The following SAMSN1 variants were observed in gnomAD, a reference collection of about 807,000 sequenced individuals.
The protein encoded by SAMSN1 is SAM domain-containing protein SAMSN-1.
Under a neutral mutation model 42.0 loss-of-function variants are expected in SAMSN1, and 31 were observed. The ratio of observed to expected loss-of-function variants is 0.74; its 90% CI spans 0.55 to 1.00. The LOEUF (loss-of-function observed/expected upper bound fraction) is 1.00, where lower values mean the gene tolerates loss of function less well. Among genes scored for constraint, SAMSN1 ranks in the 50% least tolerant of loss-of-function variants. The pLI, the probability that SAMSN1 is intolerant of heterozygous loss-of-function variation, is 0.00. For synonymous variants in SAMSN1, 178 were observed against 151.9 expected, an observed-to-expected ratio of 1.17 and a Z score of -1.26; for missense variants, 464 against 439.4, an observed-to-expected ratio of 1.06 and a Z score of -0.50.
intron 2 of SAMSN1, among the ~76,000 whole-genome samples, chr21:14,620,276 T>C (rs1982967248): frequency 6.6e-6 from 1 of 152,158 alleles, no homozygotes; most frequent in African/African-American, 2.4e-5. Flanking sequence ...TGGAGGGAAT[T>C]GGGTCATGGG....
intron 1 of SAMSN1, among the ~76,000 whole-genome samples, chr21:14,643,400 A>T (rs1168929151): frequency 6.6e-6 from 1 of 152,208 alleles, no homozygotes; most frequent in African/African-American, 2.4e-5. Flanking sequence ...CAGGCACACA[A>T]TGAGGGAATT....
intron 2 of SAMSN1, among the ~76,000 whole-genome samples, chr21:14,564,739 T>TG (rs1341549999): frequency 2.0e-5 from 3 of 152,204 alleles, no homozygotes; most frequent in African/African-American, 7.2e-5. Context: ...TTCAATTCAT[T>TG]TTCCACTTTG....
At chr21:14,514,903 G>A (rs1196436508) in intron 3 of SAMSN1, among the ~76,000 whole-genome samples, 2 of 152,096 alleles carry the variant, frequency 1.3e-5, no homozygotes, top group African/African-American at 4.8e-5. Flanking sequence ...ATATAGTTGT[G>A]AAAAACAAAA....
chr21:14,633,686 G>A (rs145469405), intron 2 of SAMSN1, among the ~76,000 whole-genome samples: 29 of 152,282 alleles, frequency 1.9e-4, no homozygotes, highest in Admixed American at 3.3e-4. Context: ...CCCATAATGG[G>A]CAATGGTTTT....
chr21:14,621,422 T>G (rs1046695788), intron 2 of SAMSN1, among the ~76,000 whole-genome samples: 3 of 152,184 alleles, frequency 2.0e-5, no homozygotes, highest in Non-Finnish European at 4.4e-5. Flanking sequence ...AGATGGCACC[T>G]GGAAAATCGG....
At chr21:14,550,682 C>G (rs1980565532), upstream of SAMSN1, among the ~76,000 whole-genome samples, 1 of 152,072 alleles carries the variant, frequency 6.6e-6, no homozygotes, top group South Asian at 2.1e-4. Flanking sequence ...GATGCCCAAA[C>G]AACTTCTAAA....
intron 2 of SAMSN1, chr21:14,619,764 C>G (rs80120402): frequency 0.014 from 2,599 of 185,688 alleles, 76 homozygotes; most frequent in African/African-American, 0.06. Flanking sequence ...AATGAAGTCC[C>G]TAAAACTCAG....
chr21:14,610,989 G>C (rs1430043935), intron 4 of SAMSN1, among the ~76,000 whole-genome samples: 1 of 152,120 alleles, frequency 6.6e-6, no homozygotes, highest in Non-Finnish European at 1.5e-5. Context: ...ACAGTGGTGT[G>C]ATCATAGCTC....
intron 2 of SAMSN1, among the ~76,000 whole-genome samples, chr21:14,574,911 T>C (rs1340700210): frequency 6.6e-6 from 1 of 152,172 alleles, no homozygotes; most frequent in African/African-American, 2.4e-5. Context: ...TTTGCATGTC[T>C]GGCGAGACCT....
At chr21:14,525,022 A>G (rs913649844) in intron 1 of SAMSN1, among the ~76,000 whole-genome samples, 1 of 152,040 alleles carries the variant, frequency 6.6e-6, no homozygotes, top group African/African-American at 2.4e-5. Flanking sequence ...AACCTATTTC[A>G]TCAACTAAAT....
At chr21:14,511,229 T>C (rs1987675598) in intron 4 of SAMSN1, among the ~76,000 whole-genome samples, 1 of 152,226 alleles carries the variant, frequency 6.6e-6, no homozygotes, top group Admixed American at 6.5e-5. Context: ...TGCTCCACAT[T>C]GTATGTGAAC....
At chr21:14,613,514 A>G (rs1371590184) in intron 3 of SAMSN1, among the ~76,000 whole-genome samples, 1 of 152,146 alleles carries the variant, frequency 6.6e-6, no homozygotes, top group Non-Finnish European at 1.5e-5. Context: ...TCTACTATTG[A>G]TATTCTTTAT....
chr21:14,599,347 G>T (rs554151331), intron 6 of SAMSN1, among the ~76,000 whole-genome samples: 1 of 152,262 alleles, frequency 6.6e-6, no homozygotes, highest in East Asian at 1.9e-4. Context: ...ATCTGGCATT[G>T]CCCTTGCTTG....
At chr21:14,643,107 C>T in exon 2 of SAMSN1, 1 of 717,276 alleles carries the variant, frequency 1.4e-6, no homozygotes, top group Non-Finnish European at 2.6e-6. Context: ...CTGGGATTGG[C>T]TCATATAAGC....
At chr21:14,645,981 A>G (rs1317574623) in intron 1 of SAMSN1, among the ~76,000 whole-genome samples, 5 of 152,188 alleles carry the variant, frequency 3.3e-5, no homozygotes, top group Admixed American at 1.3e-4. Context: ...CAAAAGAAAA[A>G]AGAACAAAAA....
At chr21:14,506,928 A>T (rs1328049937) in intron 5 of SAMSN1, among the ~76,000 whole-genome samples, 1 of 152,236 alleles carries the variant, frequency 6.6e-6, no homozygotes, top group Non-Finnish European at 1.5e-5. Flanking sequence ...CATAAACAGA[A>T]TTAAAAACAA....
chr21:14,634,224 G>A (rs1983407636), intron 2 of SAMSN1, among the ~76,000 whole-genome samples: 3 of 151,516 alleles, frequency 2.0e-5, no homozygotes, highest in Admixed American at 6.6e-5. Context: ...AGAAGAAAAC[G>A]TAGGCAATAC....
chr21:14,593,966 G>T, intron 7 of SAMSN1: 1 of 713,322 alleles, frequency 1.4e-6, no homozygotes. Context: ...GTGGAAAAGA[G>T]ATGGGAAATC....
At chr21:14,617,533 A>G (rs1462510984) in intron 2 of SAMSN1, among the ~76,000 whole-genome samples, 1 of 152,194 alleles carries the variant, frequency 6.6e-6, no homozygotes, top group African/African-American at 2.4e-5. Flanking sequence ...AGCAAGCTCC[A>G]TGTTCCACAG....
Sources: gnomAD v4.1 joint callset for allele counts (sites outside exome capture counted in the v4.1 genomes callset) on GRCh38, gnomAD v4.1.1 for gene constraint, MANE v1.5 for transcripts, NCBI Gene and HGNC (gene_info 2026-07-23, HGNC 2026-07-21) for gene names.